TAFA2: variants seen among roughly 807,000 people sequenced by gnomAD.
TAFA2 encodes the protein chemokine-like protein TAFA-2.
A neutral mutation model predicts 18.8 loss-of-function variants in TAFA2; 7 were observed. That is an observed-to-expected ratio of 0.37 (90% CI 0.21 to 0.70). The LOEUF (loss-of-function observed/expected upper bound fraction) is 0.70. Among genes scored for constraint, TAFA2 ranks in the 30% least tolerant of loss-of-function variants. The pLI is 0.53. For missense variants in TAFA2, 122 were observed against 158.1 expected, an observed-to-expected ratio of 0.77 and a Z score of 1.23; for synonymous variants, 60 against 54.2, an observed-to-expected ratio of 1.11 and a Z score of -0.47.
chr12:61,728,271 T>C (rs905294127), intron 4 of TAFA2, among the ~76,000 whole-genome samples: 2 of 151,984 alleles, frequency 1.3e-5, no homozygotes, highest in Non-Finnish European at 2.9e-5. Flanking sequence ...AAGTCCATTG[T>C]TTTTTTGTTG....
At chr12:61,940,927 AT>A (rs1877978247) in intron 1 of TAFA2, among the ~76,000 whole-genome samples, 1 of 152,198 alleles carries the variant, frequency 6.6e-6, no homozygotes, top group Non-Finnish European at 1.5e-5. Flanking sequence ...ATTATCCAAG[AT>A]AGGAGCCACT....
chr12:61,857,194 A>AAT (rs36087489), intron 2 of TAFA2, among the ~76,000 whole-genome samples: 44,070 of 149,756 alleles, frequency 0.29, 6,974 homozygotes, highest in South Asian at 0.4. Flanking sequence ...GAGTTATATA[A>AAT]GAGTCTCAAA....
intron 2 of TAFA2, among the ~76,000 whole-genome samples, chr12:61,794,159 C>T (rs10877744): frequency 0.5 from 75,237 of 151,634 alleles, 18,770 homozygotes; most frequent in Admixed American, 0.56. Context: ...AAGTCCACTC[C>T]CACCACCTGT....
chr12:62,184,261 A>AG (rs1283500718), intron 1 of TAFA2, among the ~76,000 whole-genome samples: 1 of 152,156 alleles, frequency 6.6e-6, no homozygotes, highest in Non-Finnish European at 1.5e-5. Context: ...TCAGTCTAAA[A>AG]GGGGTTTACA....
At chr12:61,962,906 C>G (rs1314039753) in intron 1 of TAFA2, among the ~76,000 whole-genome samples, 1 of 151,640 alleles carries the variant, frequency 6.6e-6, no homozygotes, top group East Asian at 1.9e-4. Context: ...CCTAGCCCCC[C>G]ACCAGCCAAC....
chr12:62,192,806 C>T (rs1039207000), upstream of TAFA2: 15 of 152,270 alleles, frequency 9.9e-5, no homozygotes, highest in African/African-American at 3.6e-4. Flanking sequence ...AGAAAAAGAA[C>T]GAGACAGTAA....
At chr12:62,145,919 C>A (rs2062277816) in intron 1 of TAFA2, among the ~76,000 whole-genome samples, 1 of 152,204 alleles carries the variant, frequency 6.6e-6, no homozygotes, top group Admixed American at 6.5e-5. Context: ...GGGTAGGATA[C>A]CAGGAAGGCA....
At chr12:61,856,659 T>C (rs1873898444) in intron 2 of TAFA2, among the ~76,000 whole-genome samples, 1 of 152,120 alleles carries the variant, frequency 6.6e-6, no homozygotes, top group East Asian at 1.9e-4. Flanking sequence ...TGCTATTTTA[T>C]ACTTTCTAAA....
intron 1 of TAFA2, among the ~76,000 whole-genome samples, chr12:62,091,018 C>T (rs1171062809): frequency 6.6e-6 from 1 of 151,988 alleles, no homozygotes; most frequent in Admixed American, 6.6e-5. Context: ...TTTGAATATC[C>T]AGACACATTA....
intron 2 of TAFA2, among the ~76,000 whole-genome samples, chr12:61,855,163 C>T (rs939568083): frequency 1.1e-4 from 16 of 152,170 alleles, no homozygotes; most frequent in Admixed American, 7.9e-4. Flanking sequence ...AAGCTGATGA[C>T]ATTTTTGCTT....
At chr12:61,955,653 A>ATG (rs1555178822) in intron 1 of TAFA2, among the ~76,000 whole-genome samples, 17 of 103,536 alleles carry the variant, frequency 1.6e-4, no homozygotes, top group African/African-American at 4.9e-4. Flanking sequence ...ATATATATAT[A>ATG]TATATATATA....
chr12:61,985,072 G>A (rs543765077), intron 1 of TAFA2, among the ~76,000 whole-genome samples: 1 of 152,262 alleles, frequency 6.6e-6, no homozygotes, highest in South Asian at 2.1e-4. Context: ...AAGTTGAGCT[G>A]ATAAAACAAT....
intron 2 of TAFA2, among the ~76,000 whole-genome samples, chr12:61,797,018 C>A (rs1444115522): frequency 6.6e-6 from 1 of 152,184 alleles, no homozygotes; most frequent in Non-Finnish European, 1.5e-5. Context: ...CTATTAGTTA[C>A]AGAGAGAACA....
intron 1 of TAFA2, among the ~76,000 whole-genome samples, chr12:62,057,068 T>C (rs958557761): frequency 3.3e-5 from 5 of 152,352 alleles, no homozygotes; most frequent in Middle Eastern, 3.4e-3. Context: ...TTATTTGTTT[T>C]TGAAGGTTGG....
intron 1 of TAFA2, among the ~76,000 whole-genome samples, chr12:62,256,427 C>G (rs776244585): frequency 6.6e-6 from 1 of 152,150 alleles, no homozygotes; most frequent in African/African-American, 2.4e-5. Context: ...ATAGACAGCT[C>G]AACAGTCCCA....
chr12:61,897,171 G>A lies in TAFA2; in HGVS notation c.-1-29745C>T, dbSNP rs1875883087. 2.0e-5 allele frequency among the ~76,000 whole-genome samples: 3 copies of A among 152,230 alleles called. No individual in the cohort carries two copies. The South Asian group carries it at 6.2e-4, about 32-fold the overall frequency. On this transcript the variant is annotated intron_variant, in intron 1 of 4. Transcript: ENST00000416284. ...GACAAACCCCTTGTTATCTGCAGGGGATTCATTTTAGGACCCATGTAGAGT... is the reference window on the plus strand; with the variant it reads ...GACAAACCCCTTGTTATCTGCAGGGAATTCATTTTAGGACCCATGTAGAGT...
At position 61,994,992 on chromosome 12, in the gene TAFA2, C is replaced by G. The variant is rs185999619; in HGVS notation, c.-1-127566G>C. On this transcript the variant is annotated intron_variant, in intron 1 of 4. Coordinates refer to ENST00000416284, the MANE Select transcript of TAFA2 (RefSeq NM_178539.5). ...CTAGTCCACTGCAACTGCCCCCTAA[C>G]TGTCTGCCTGTCTCATATTTCTCCA... Among the ~76,000 whole-genome samples, 406 of 150,828 alleles carry G rather than the reference C, an allele frequency of 2.7e-3. 5 individuals are homozygous for G. Among genetic ancestry groups the G allele is most frequent in the African/African-American group, 9.5e-3 (395 of 41,440 alleles).
At chr12:61,799,605 G>A (rs1592396691) in intron 2 of TAFA2, among the ~76,000 whole-genome samples, 1 of 152,226 alleles carries the variant, frequency 6.6e-6, no homozygotes, top group East Asian at 1.9e-4. Flanking sequence ...GGCGGATCAC[G>A]AAGTCAGGAA....
At chr12:61,798,949 C>T (rs944898165) in intron 2 of TAFA2, among the ~76,000 whole-genome samples, 1 of 152,164 alleles carries the variant, frequency 6.6e-6, no homozygotes, top group Non-Finnish European at 1.5e-5. Context: ...CTTCACTGGG[C>T]CAAGTGCCAA....
Sources: gnomAD v4.1 joint callset for allele counts (sites outside exome capture counted in the v4.1 genomes callset) on GRCh38, gnomAD v4.1.1 for gene constraint, MANE v1.5 for transcripts, NCBI Gene and HGNC (gene_info 2026-07-23, HGNC 2026-07-21) for gene names.